The following CDX4 variants were observed in gnomAD, a reference collection of about 807,000 sequenced individuals.
CDX4 encodes the protein caudal type homeobox 4.
CDX4 carries 11 observed loss-of-function variants against 14.1 expected under a neutral mutation model. The ratio of observed to expected loss-of-function variants is 0.78; its 90% CI spans 0.49 to 1.29. The LOEUF is 1.29. Among genes scored for constraint, CDX4 ranks in the 50% most tolerant of loss-of-function variants. CDX4 has a pLI of 0.00. For synonymous variants in CDX4, 100 were observed against 93.5 expected (o/e 1.07, Z -0.40); for missense variants, 257 against 237.4 (o/e 1.08, Z -0.54).
In CDX4 at chrX:73,449,625, T is replaced by C. The variant is rs374061527; in HGVS notation, c.502+1870T>C. Reference sequence around the variant, plus strand: ...TTTCGATTTTTGGCAGCCTATTCTATAGATGAGGCTTCATTAAATTAAAAC... The same window carrying C: ...TTTCGATTTTTGGCAGCCTATTCTACAGATGAGGCTTCATTAAATTAAAAC... On this transcript the variant is annotated intron_variant, in intron 1 of 2. Coordinates refer to ENST00000373514, the MANE Select transcript of CDX4 (RefSeq NM_005193.2). 1.3e-4 allele frequency among the ~76,000 whole-genome samples: 15 copies of C among 112,189 alleles called. 1 individual carries two copies. The South Asian group carries it at 5.6e-3, about 42-fold the overall frequency.
At chrX:73,450,993 A>G (rs973208141) in intron 1 of CDX4, among the ~76,000 whole-genome samples, 8 of 111,471 alleles carry the variant, frequency 7.2e-5, no homozygotes, top group African/African-American at 9.7e-5. Flanking sequence ...GAGGATGGGA[A>G]GGACTCCATC....
chrX:73,449,842 G>A (rs2057081798), intron 1 of CDX4, among the ~76,000 whole-genome samples: 1 of 111,331 alleles, frequency 9.0e-6, no homozygotes, highest in Non-Finnish European at 1.9e-5. Context: ...GGAGATTCAT[G>A]GATCCATTGA....
At chrX:73,448,093 A>C (rs2057076873) in intron 1 of CDX4, among the ~76,000 whole-genome samples, 1 of 112,193 alleles carries the variant, frequency 8.9e-6, no homozygotes, top group Non-Finnish European at 1.9e-5. Flanking sequence ...GAGATGCATG[A>C]GAAAGCTCAA....
chrX:73,450,583 C>T (rs1603328264), intron 1 of CDX4, among the ~76,000 whole-genome samples: 1 of 111,506 alleles, frequency 9.0e-6, no homozygotes, highest in Middle Eastern at 4.6e-3. Flanking sequence ...GGAATTTATG[C>T]TTGAAAGGCA....
intron 1 of CDX4, among the ~76,000 whole-genome samples, chrX:73,448,084 A>G (rs752672181): frequency 1.6e-4 from 18 of 112,178 alleles, no homozygotes; most frequent in Non-Finnish European, 3.2e-4. Flanking sequence ...ATGGGAAAAG[A>G]GATGCATGAG....
intron 1 of CDX4, among the ~76,000 whole-genome samples, chrX:73,448,864 A>G: frequency 8.9e-6 from 1 of 111,923 alleles, no homozygotes; most frequent in East Asian, 2.8e-4. Context: ...ATTTGTCCGC[A>G]ATGATTATGC....
Position 73,454,370 on chromosome X carries a change from G to T in CDX4, c.649-9G>T. The T allele has an allele frequency of 8.6e-7, 1 of 1,165,664 alleles. No homozygotes were observed. Among genetic ancestry groups the T allele is most frequent in the Non-Finnish European group, 1.2e-6 (1 of 855,611 alleles). On this transcript the variant is annotated splice_polypyrimidine_tract_variant and intron_variant, in intron 2 of 2. Transcript: ENST00000373514. The stretch of plus-strand genomic sequence containing the variant: ...ACTGCATTCAGTATGTTGCCCCATT[G>T]TGTTTCAGGTGAAAATCTGGTTTCA...
At chrX:73,451,046 G>A (rs911151864) in intron 1 of CDX4, among the ~76,000 whole-genome samples, 1 of 111,630 alleles carries the variant, frequency 9.0e-6, no homozygotes, top group Non-Finnish European at 1.9e-5. Flanking sequence ...TGAGGAGAAG[G>A]CAAATACATC....
At chrX:73,450,818 T>G (rs1045212111) in intron 1 of CDX4, among the ~76,000 whole-genome samples, 1 of 111,894 alleles carries the variant, frequency 8.9e-6, no homozygotes, top group Non-Finnish European at 1.9e-5. Flanking sequence ...AATCTTTACA[T>G]TCACTCCCAT....
rs1028002856 is a variant in CDX4, at chrX:73,451,642, G to A, written c.503-1875G>A. Among the ~76,000 whole-genome samples, 6 of 111,241 alleles carry A rather than the reference G, an allele frequency of 5.4e-5. No homozygotes were observed. In the East Asian group the frequency reaches 8.4e-4, roughly 16 times the overall value. On this transcript the variant is annotated intron_variant, in intron 1 of 2. Transcript: ENST00000373514. Reference sequence around the variant, plus strand: ...GGGAATTTATGACCAATGGGGGTGGGGAAGGACTACAACATTTCCAGAGTT... The same window carrying A: ...GGGAATTTATGACCAATGGGGGTGGAGAAGGACTACAACATTTCCAGAGTT...
At chrX:73,451,988 A>C (rs2147489826) in intron 1 of CDX4, among the ~76,000 whole-genome samples, 1 of 111,863 alleles carries the variant, frequency 8.9e-6, no homozygotes, top group East Asian at 2.8e-4. Context: ...ATTTTAAGGT[A>C]GGTTAACTGA....
rs34896025 is a variant in CDX4, at chrX:73,452,123, CTTTTTTTTT to C, written c.503-1381_503-1373del. Among the ~76,000 whole-genome samples, 203 of 66,638 alleles carry C rather than the reference CTTTTTTTTT, an allele frequency of 3.0e-3. 1 individual carries two copies. The highest frequency in any genetic ancestry group is 0.011 in the Middle Eastern group (1 of 94). 57.9% of individuals were successfully genotyped at this position (66,638 alleles called of 115,157 possible). ...TAAAATTTATTTCTTCACTGGTGTC[CTTTTTTTTT>C]TTTTTTTTTTTTCCTTTTCTGGAGA... On this transcript the variant is annotated intron_variant, in intron 1 of 2. Coordinates refer to ENST00000373514, the MANE Select transcript of CDX4 (RefSeq NM_005193.2).
rs1037163713 is a variant in CDX4 at position 73,454,443 on chromosome X, A to T, written c.713A>T (p.Gln238Leu). The T allele has an allele frequency of 5.0e-6, 6 of 1,206,728 alleles. No homozygotes were observed. The African/African-American group carries it at 1.1e-4, about 21-fold the overall frequency. The change falls in exon 3 of 3, where the codon CAG becomes CTG. Residue 238 changes from glutamine to leucine, a missense_variant. Coordinates refer to ENST00000373514, the MANE Select transcript of CDX4 (RefSeq NM_005193.2). ...AAGATGATCAAAAAGAAAATCTCCC[A>T]GTTTGAGAATAGTGGAGGCTCGGTG... The part of the protein sequence containing the change: ...ERKMIKKKIS[Q>L]FENSGGSVQS...
At chrX:73,451,741 A>C (rs1485972852) in intron 1 of CDX4, among the ~76,000 whole-genome samples, 2 of 112,282 alleles carry the variant, frequency 1.8e-5, no homozygotes, top group African/African-American at 6.5e-5. Flanking sequence ...ATTTTTAACC[A>C]GTCTGCCTCA....
Position 73,447,547 on chromosome X carries a change from G to A in CDX4, c.294G>A (p.Val98=), listed in dbSNP as rs919308508. The change falls in exon 1 of 3, where the codon GTG becomes GTA. Residue 98 remains valine (V), a synonymous_variant. Coordinates refer to ENST00000373514, the MANE Select transcript of CDX4 (RefSeq NM_005193.2). The stretch of plus-strand genomic sequence containing the variant: ...CTAGTACAATGGGCACAGTGCCGGT[G>A]AACGACGTGACCTCTAGCCCCGCCG... The part of the protein sequence containing the change: ...GPSSTMGTVP[V]NDVTSSPAAF... 4.1e-6 allele frequency: 5 copies of A among 1,211,547 alleles called. No homozygotes were observed. Among genetic ancestry groups the A allele is most frequent in the Non-Finnish European group, 5.6e-6 (5 of 895,327 alleles).
At chrX:73,449,065 A>C (rs1347453049) in intron 1 of CDX4, among the ~76,000 whole-genome samples, 1 of 111,939 alleles carries the variant, frequency 8.9e-6, no homozygotes, top group Admixed American at 9.4e-5. Flanking sequence ...GTTTGCAAGT[A>C]AATCTGCATT....
chrX:73,453,270 G>A (rs760607625), intron 1 of CDX4, among the ~76,000 whole-genome samples: 16 of 111,414 alleles, frequency 1.4e-4, no homozygotes, highest in Non-Finnish European at 2.6e-4. Context: ...TTATATATAA[G>A]GAGAGATATA....
chrX:73,454,230 A>T (rs2057099010), intron 2 of CDX4, 149 bp from the exon 3 acceptor site: 2 of 455,840 alleles, frequency 4.4e-6, no homozygotes, highest in Admixed American at 4.2e-5. Flanking sequence ...TTTTTTTCTA[A>T]CCTGTTAAGT....
In CDX4 at chrX:73,447,667, G is replaced by T; in HGVS notation, c.414G>T (p.Pro138=). The T allele has an allele frequency of 5.8e-6, 7 of 1,207,772 alleles. No homozygotes were observed. The highest frequency in any genetic ancestry group is 7.8e-6 in the Non-Finnish European group (7 of 894,838). Residue 138 remains proline (P), a synonymous_variant, in exon 1 of 3, where the codon CCG becomes CCT. Coordinates refer to ENST00000373514, the MANE Select transcript of CDX4 (RefSeq NM_005193.2). ...LPGQAGGSLV[P]TDAGAAKASS... ...GCCAGGCTGGCGGGTCGCTTGTCCC[G>T]ACGGACGCAGGCGCCGCCAAGGCCA...
Sources: gnomAD v4.1 joint callset for allele counts (sites outside exome capture counted in the v4.1 genomes callset) on GRCh38, gnomAD v4.1.1 for gene constraint, MANE v1.5 for transcripts, NCBI Gene and HGNC (gene_info 2026-07-23, HGNC 2026-07-21) for gene names.